RBMS3: variants seen among roughly 807,000 people sequenced by gnomAD.
The protein encoded by RBMS3 is RNA binding motif single stranded interacting protein 3.
A neutral mutation model predicts 66.8 loss-of-function variants in RBMS3; 27 were observed. The observed-to-expected ratio is 0.40, with a 90% CI of 0.30 to 0.56. The LOEUF is 0.56. Ranked by LOEUF, RBMS3 falls within the 20% of genes least tolerant of loss-of-function variation. The probability of loss-of-function intolerance (pLI) is 0.40; values close to 1 mark genes in which losing one functional copy is unlikely to be tolerated. For synonymous variants in RBMS3, 188 were observed against 183.0 expected (o/e 1.03, Z -0.22); for missense variants, 513 against 549.5 (o/e 0.93, Z 0.66).
At chr3:29,724,909 G>C (rs939942129) in intron 4 of RBMS3, among the ~76,000 whole-genome samples, 2 of 152,134 alleles carry the variant, frequency 1.3e-5, no homozygotes, top group Non-Finnish European at 2.9e-5. Context: ...TCTAAGGCAG[G>C]CAGAGATCAT....
intron 11 of RBMS3, among the ~76,000 whole-genome samples, chr3:29,938,860 T>C (rs1021499466): frequency 2.6e-5 from 4 of 152,000 alleles, no homozygotes; most frequent in African/African-American, 9.7e-5. Context: ...CTCAGAACTT[T>C]CTCATTTTAC....
chr3:29,707,587 TG>T (rs1559592058), intron 4 of RBMS3, among the ~76,000 whole-genome samples: 1 of 152,214 alleles, frequency 6.6e-6, no homozygotes, highest in Non-Finnish European at 1.5e-5. Flanking sequence ...ACAAAAAAGC[TG>T]ACAGTTTTTC....
chr3:29,868,063 C>A (rs1278750614), intron 6 of RBMS3, among the ~76,000 whole-genome samples: 1 of 151,478 alleles, frequency 6.6e-6, no homozygotes, highest in Non-Finnish European at 1.5e-5. Flanking sequence ...AGGAGAACAT[C>A]AGTTCTCAAA....
At chr3:29,303,557 T>C (rs745414420) in intron 1 of RBMS3, among the ~76,000 whole-genome samples, 1 of 152,014 alleles carries the variant, frequency 6.6e-6, no homozygotes, top group Non-Finnish European at 1.5e-5. Context: ...TTAACTTTTA[T>C]AGCCTAGGAT....
rs147952224 is a variant in RBMS3, at chr3:29,811,593, A to G, written c.637+48604A>G. Among the ~76,000 whole-genome samples, 556 of 152,294 alleles carry G rather than the reference A, an allele frequency of 3.7e-3. 5 individuals are homozygous for G. Among genetic ancestry groups the G allele is most frequent in the African/African-American group, 0.013 (526 of 41,574 alleles). ...AACTTTACCATGCTGAAGAGAAGGCATGAGGCTGCTTCAAAACTTGTTCCC... is the reference window on the plus strand; with the variant it reads ...AACTTTACCATGCTGAAGAGAAGGCGTGAGGCTGCTTCAAAACTTGTTCCC... On this transcript the variant is annotated intron_variant, in intron 6 of 14. Coordinates refer to ENST00000383767, the MANE Select transcript of RBMS3 (RefSeq NM_001003793.3).
intron 7 of RBMS3, among the ~76,000 whole-genome samples, chr3:29,871,315 A>C (rs1385677620): frequency 6.6e-6 from 1 of 152,130 alleles, no homozygotes; most frequent in African/African-American, 2.4e-5. Flanking sequence ...GTCTTTGACC[A>C]CACTGGTTTC....
At chr3:29,344,554 A>G (rs931581795) in intron 1 of RBMS3, among the ~76,000 whole-genome samples, 2 of 152,298 alleles carry the variant, frequency 1.3e-5, no homozygotes, top group Non-Finnish European at 2.9e-5. Flanking sequence ...TCTTGTGTCT[A>G]TAAATGATAT....
chr3:29,949,016 A>G (rs1417625770), intron 12 of RBMS3, among the ~76,000 whole-genome samples: 1 of 151,754 alleles, frequency 6.6e-6, no homozygotes, highest in Admixed American at 6.6e-5. Context: ...TGACAAAAAT[A>G]GGCATGTGAA....
chr3:29,853,481 C>T (rs2058992391), intron 6 of RBMS3, among the ~76,000 whole-genome samples: 2 of 135,160 alleles, frequency 1.5e-5, no homozygotes. Context: ...AAACAGAGCT[C>T]CCATACAAAG....
chr3:29,702,347 C>A (rs925603076), intron 4 of RBMS3, among the ~76,000 whole-genome samples: 3 of 152,152 alleles, frequency 2.0e-5, no homozygotes, highest in Admixed American at 6.5e-5. Context: ...CCAATCAGCA[C>A]CCTGTCAAAA....
At chr3:29,696,428 T>A (rs1411681125) in intron 4 of RBMS3, among the ~76,000 whole-genome samples, 3 of 151,790 alleles carry the variant, frequency 2.0e-5, no homozygotes, top group East Asian at 3.9e-4. Context: ...TACTAAATTA[T>A]GTTTTATTCA....
chr3:29,472,348 A>G (rs2042760806), intron 2 of RBMS3, among the ~76,000 whole-genome samples: 2 of 152,062 alleles, frequency 1.3e-5, no homozygotes, highest in South Asian at 2.1e-4. Context: ...GGCGCCCGCC[A>G]TCACGCCCAG....
rs1455702859 is a variant in RBMS3, at chr3:29,344,960, AT to A, written c.75+63205del. On this transcript the variant is annotated intron_variant, in intron 1 of 14. Coordinates refer to ENST00000383767, the MANE Select transcript of RBMS3 (RefSeq NM_001003793.3). ...ACAGATTTCTCTGTAGCTCAACAAAATGTCTTTCCACAAAGGGCTGGAGGAT... is the reference window on the plus strand; with the variant it reads ...ACAGATTTCTCTGTAGCTCAACAAAAGTCTTTCCACAAAGGGCTGGAGGAT... Among the ~76,000 whole-genome samples the A allele has an allele frequency of 2.0e-5, 3 of 152,174 alleles. No individual in the cohort carries two copies. In the East Asian group the frequency reaches 5.8e-4, roughly 29 times the overall value.
At chr3:29,329,554 T>C (rs976065250) in intron 1 of RBMS3, among the ~76,000 whole-genome samples, 1 of 152,090 alleles carries the variant, frequency 6.6e-6, no homozygotes, top group Non-Finnish European at 1.5e-5. Context: ...TATAGAAAAC[T>C]GAATAAGCTT....
intron 4 of RBMS3, among the ~76,000 whole-genome samples, chr3:29,653,653 C>T (rs1216593951): frequency 6.6e-6 from 1 of 152,116 alleles, no homozygotes; most frequent in East Asian, 1.9e-4. Flanking sequence ...ATAAAACTTT[C>T]ATTCATTATG....
At chr3:29,533,322 T>TA (rs146383450) in intron 3 of RBMS3, among the ~76,000 whole-genome samples, 12 of 148,916 alleles carry the variant, frequency 8.1e-5, no homozygotes, top group African/African-American at 1.5e-4. Context: ...CTGTGAAAAA[T>TA]AAAAAAAAAA....
chr3:29,907,461 TAATC>T (rs2060408802), intron 10 of RBMS3, among the ~76,000 whole-genome samples: 2 of 152,038 alleles, frequency 1.3e-5, no homozygotes, highest in South Asian at 4.1e-4. Context: ...ATGTTGAACT[TAATC>T]AAAGTTTTTT....
At position 29,785,819 on chromosome 3, in the gene RBMS3, A is replaced by C. The variant is rs529458030; in HGVS notation, c.637+22830A>C. On this transcript the variant is annotated intron_variant, in intron 6 of 14. Transcript: ENST00000383767. ...CCCAGTTTCACCACTTCTGTTGAAC[A>C]TAGTACTGGAAGTCTTAGCCAGAAC... Among the ~76,000 whole-genome samples the C allele has an allele frequency of 5.3e-5, 8 of 152,280 alleles. No individual in the cohort carries two copies. The South Asian group carries it at 1.4e-3, about 28-fold the overall frequency.
At chr3:29,685,209 C>T (rs1261947629) in intron 4 of RBMS3, among the ~76,000 whole-genome samples, 2 of 151,916 alleles carry the variant, frequency 1.3e-5, no homozygotes, top group African/African-American at 4.8e-5. Context: ...CAGGCGCCCG[C>T]CACCACGCCC....
Sources: allele counts gnomAD v4.1 joint callset (sites outside exome capture counted in the v4.1 genomes callset), GRCh38; gene constraint gnomAD v4.1.1; transcripts MANE v1.5; gene names NCBI Gene and HGNC (gene_info 2026-07-23, HGNC 2026-07-21).